ZNF689: variants seen among roughly 807,000 people sequenced by gnomAD.
The protein encoded by ZNF689 is zinc finger protein 689.
A neutral mutation model predicts 37.2 loss-of-function variants in ZNF689; 14 were observed. That is an observed-to-expected ratio of 0.38 (90% CI 0.25 to 0.59). The LOEUF (loss-of-function observed/expected upper bound fraction) is 0.59. ZNF689 is among the 20% of genes least tolerant of loss of function. ZNF689 has a pLI of 0.68. For synonymous variants in ZNF689, 277 were observed against 283.3 expected, an observed-to-expected ratio of 0.98 and a Z score of 0.22; for missense variants, 573 against 700.2, an observed-to-expected ratio of 0.82 and a Z score of 2.05.
chr16:30,609,253 A>G (rs2151246297), intron 2 of ZNF689, among the ~76,000 whole-genome samples: 1 of 148,078 alleles, frequency 6.8e-6, no homozygotes, highest in South Asian at 2.3e-4. Context: ...GAACTGAGCA[A>G]GACAATGTTT....
chr16:30,606,617 C>T (rs2052039168), intron 2 of ZNF689, among the ~76,000 whole-genome samples: 1 of 152,010 alleles, frequency 6.6e-6, no homozygotes, highest in African/African-American at 2.4e-5. Context: ...CTCCCTGCCT[C>T]AGCCTCCTAA....
At position 30,602,631 on chromosome 16, in the gene ZNF689, GAAAC is replaced by G. The variant is rs762808297; in HGVS notation, c.*1629_*1632del. 7.2e-5 allele frequency: 11 copies of G among 152,144 alleles called. No individual in the cohort carries two copies. Among genetic ancestry groups the G allele is most frequent in the Non-Finnish European group, 1.0e-4 (7 of 68,026 alleles). The allele number at this position is 152,144 out of a possible 1,614,324, so 9.4% of individuals were successfully genotyped here. On this transcript the variant is annotated 3_prime_UTR_variant, in exon 3 of 3. Coordinates refer to ENST00000287461, the MANE Select transcript of ZNF689 (RefSeq NM_138447.3). ...TTGGGGGTAGCTCATCATCCAAGGA[GAAAC>G]AAACAGTTACAATGTTACAATGCAA...
At chr16:30,609,310 A>G in intron 2 of ZNF689, 1 of 331,866 alleles carries the variant, frequency 3.0e-6, no homozygotes, top group South Asian at 5.3e-5. Flanking sequence ...AAGCCCACTG[A>G]TTCATTCACA....
rs199877659 is a variant in ZNF689, at chr16:30,604,796, C to A, written c.971G>T (p.Arg324Leu). Residue 324 changes from arginine (R) to leucine (L), a missense_variant, in exon 3 of 3, where the codon CGG becomes CTG. Physicochemically the swap from Arg to Leu is moderately radical, Grantham distance 102. This residue lies in a region of ZNF689 where 317 missense variants were observed against 367.1 expected (regional missense o/e 0.86). Coordinates refer to ENST00000287461, the MANE Select transcript of ZNF689 (RefSeq NM_138447.3). The surrounding 1 kb of genome is among the most constrained non-coding windows in gnomAD (Gnocchi z 5.2). The part of the protein sequence containing the change: ...EKPYPCPDCE[R>L]RFSSSSRLVS... Reference sequence around the variant, plus strand: ...CAGGCGAGAGGAGGAGGAGAAGCGCCGCTCGCAGTCCGGGCACGGGTAGGG... The same window carrying A: ...CAGGCGAGAGGAGGAGGAGAAGCGCAGCTCGCAGTCCGGGCACGGGTAGGG... The A allele has an allele frequency of 6.2e-7, 1 of 1,609,480 alleles. No individual in the cohort carries two copies. The highest frequency in any genetic ancestry group is 1.7e-5 in the Admixed American group (1 of 59,760).
chr16:30,604,495 C>T lies in ZNF689; in HGVS notation c.1272G>A (p.Ser424=), dbSNP rs2052014092. The change falls in exon 3 of 3, where the codon TCG becomes TCA. Residue 424 remains serine, a synonymous_variant. Coordinates refer to ENST00000287461, the MANE Select transcript of ZNF689 (RefSeq NM_138447.3). The surrounding 1 kb of genome is among the most constrained non-coding windows in gnomAD (Gnocchi z 5.2). ...SLLASHRRVH[S]GERPYACDLC... is the part of the protein sequence containing the mutation. ...GGTCGCAGGCATAGGGCCGCTCGCC[C>T]GAGTGCACGCGCCGGTGGCTGGCCA... is the stretch of plus-strand genomic sequence containing the variant. 2 of 1,599,488 alleles carry T rather than the reference C, an allele frequency of 1.3e-6. No individual in the cohort carries two copies. Among genetic ancestry groups the T allele is most frequent in the Non-Finnish European group, 1.7e-6 (2 of 1,173,482 alleles).
Position 30,604,273 on chromosome 16 carries a change from G to C in ZNF689, c.1494C>G (p.Asn498Lys), listed in dbSNP as rs775225146. The C allele has an allele frequency of 6.2e-7, 1 of 1,614,102 alleles. No individual in the cohort carries two copies. The highest frequency in any genetic ancestry group is 1.7e-5 in the Admixed American group (1 of 60,032). The change falls in exon 3 of 3, where the codon AAC (asparagine) becomes AAG (lysine). Residue 498 changes from asparagine (N) to lysine (K), a missense_variant. Asn to Lys is a moderately conservative substitution (Grantham distance 94). This residue lies in a region of ZNF689 where 317 missense variants were observed against 367.1 expected (regional missense o/e 0.86). Coordinates refer to ENST00000287461, the MANE Select transcript of ZNF689 (RefSeq NM_138447.3). This position sits in a 1 kb window ranked among gnomAD's most constrained non-coding sequence, Gnocchi z 5.2. ...GGCAGTCCTTCCCCTTCTAATGGGC[G>C]TTGCCCCTCTGACTGGAGCCCCCGA... ...SAIGGSSQRGNAH is the reference protein window; with the variant it reads ...SAIGGSSQRGKAH
At position 30,603,939 on chromosome 16, in the gene ZNF689, T is replaced by C. The variant is rs927976243; in HGVS notation, c.*325A>G. The C allele has an allele frequency of 2.2e-5, 10 of 450,560 alleles. No individual in the cohort carries two copies. Among genetic ancestry groups the C allele is most frequent in the African/African-American group, 6.0e-5 (3 of 50,326 alleles). 27.9% of individuals were successfully genotyped at this position (450,560 alleles called of 1,614,324 possible). ...GAGATTCTCCTGATTGCATGCAAGA[T>C]GACAGGTAATCCCTGTGTGGACAGA... On this transcript the variant is annotated 3_prime_UTR_variant, in exon 3 of 3. Coordinates refer to ENST00000287461, the MANE Select transcript of ZNF689 (RefSeq NM_138447.3).
chr16:30,607,072 G>A (rs1174134077), intron 2 of ZNF689, among the ~76,000 whole-genome samples: 1 of 150,292 alleles, frequency 6.7e-6, no homozygotes, highest in Non-Finnish European at 1.5e-5. Context: ...CCAACATGGT[G>A]AAACCCCGTC....
At position 30,603,063 on chromosome 16, in the gene ZNF689, C is replaced by G. The variant is rs1196652642; in HGVS notation, c.*1201G>C. On this transcript the variant is annotated 3_prime_UTR_variant, in exon 3 of 3. Coordinates refer to ENST00000287461, the MANE Select transcript of ZNF689 (RefSeq NM_138447.3). ...CCTCAGCTCATTTTGTGAAAAAATG[C>G]TGACTGAGGCCTCATGGAAGTTCTG... 2 of 152,228 alleles carry G rather than the reference C, an allele frequency of 1.3e-5. No homozygotes were observed. Among genetic ancestry groups the G allele is most frequent in the Admixed American group, 1.3e-4 (2 of 15,272 alleles). The allele number at this position is 152,228 out of a possible 1,614,324, so 9.4% of individuals were successfully genotyped here.
At chr16:30,609,673 T>C in intron 1 of ZNF689, 35 bp from the exon 2 acceptor site, 1 of 1,613,398 alleles carries the variant, frequency 6.2e-7, no homozygotes, top group Non-Finnish European at 8.5e-7. Context: ...GGCCAGCTCC[T>C]AGATCACGCC....
chr16:30,609,267 CAAA>C (rs77079521), intron 2 of ZNF689, among the ~76,000 whole-genome samples: 1 of 60,726 alleles, frequency 1.6e-5, no homozygotes, highest in Non-Finnish European at 3.3e-5. Context: ...AATGTTTCTA[CAAA>C]AAAAAAAAAA....
At position 30,605,619 on chromosome 16, in the gene ZNF689, A is replaced by C. The variant is rs1243201657; in HGVS notation, c.320-172T>G. Among the ~76,000 whole-genome samples the C allele has an allele frequency of 6.6e-6, 1 of 152,168 alleles. No individual in the cohort carries two copies. The highest frequency in any genetic ancestry group is 1.5e-5 in the Non-Finnish European group (1 of 68,020). On this transcript the variant is annotated intron_variant, in intron 2 of 2. Transcript: ENST00000287461. The surrounding 1 kb of genome is among the most constrained non-coding windows in gnomAD (Gnocchi z 5.1). ...TACGGTGTGCATTACAGGAGCTTCT[A>C]ACCCAGCTTGGAGAAGTCTAGGAAG...
chr16:30,607,409 G>A (rs1391550399), intron 2 of ZNF689, among the ~76,000 whole-genome samples: 1 of 151,560 alleles, frequency 6.6e-6, no homozygotes, highest in Non-Finnish European at 1.5e-5. Flanking sequence ...TGGCCAACAT[G>A]GTGAAACCCC....
At position 30,604,449 on chromosome 16, in the gene ZNF689, G is replaced by A; in HGVS notation, c.1318C>T (p.Gln440Ter). ...TGGTGCTGGGCCAGGTGGCTCCACTGAGCAAAACGCTTGGAGCAAAGGTCG... is the reference window on the plus strand; with the variant it reads ...TGGTGCTGGGCCAGGTGGCTCCACTAAGCAAAACGCTTGGAGCAAAGGTCG... Reference protein sequence around the residue: ...ACDLCSKRFAQWSHLAQHQLL... With the variant: ...ACDLCSKRFA Residue 440 changes from glutamine (Q) to a stop codon, truncating the protein, a stop_gained, in exon 3 of 3, where the codon CAG becomes TAG. Coordinates refer to ENST00000287461, the MANE Select transcript of ZNF689 (RefSeq NM_138447.3). LOFTEE classifies it high-confidence loss of function. The surrounding 1 kb of genome is among the most constrained non-coding windows in gnomAD (Gnocchi z 5.2). 1 of 1,612,268 alleles carries A rather than the reference G, an allele frequency of 6.2e-7. No homozygotes were observed. Among genetic ancestry groups the A allele is most frequent in the Non-Finnish European group, 8.5e-7 (1 of 1,179,310 alleles).
chr16:30,605,751 A>G lies in ZNF689; in HGVS notation c.320-304T>C, dbSNP rs1202931287. 2.0e-5 allele frequency among the ~76,000 whole-genome samples: 3 copies of G among 152,106 alleles called. No individual in the cohort carries two copies. The highest frequency in any genetic ancestry group is 4.4e-5 in the Non-Finnish European group (3 of 68,010). On this transcript the variant is annotated intron_variant, in intron 2 of 2. Coordinates refer to ENST00000287461, the MANE Select transcript of ZNF689 (RefSeq NM_138447.3). This position sits in a 1 kb window ranked among gnomAD's most constrained non-coding sequence, Gnocchi z 5.1. ...GAGGCGGGCAGATCACAAGGTCAGG[A>G]GTTTGAGAGCAGCCTGACCAACATG...
chr16:30,605,708 C>T lies in ZNF689; in HGVS notation c.320-261G>A, dbSNP rs889019247. On this transcript the variant is annotated intron_variant, in intron 2 of 2. Coordinates refer to ENST00000287461, the MANE Select transcript of ZNF689 (RefSeq NM_138447.3). This position sits in a 1 kb window ranked among gnomAD's most constrained non-coding sequence, Gnocchi z 5.1. ...GGGCACAGTGGATCACGCTTGTAATCGTAAGCACTGGGAGGCCGAGGCGGG... is the reference window on the plus strand; with the variant it reads ...GGGCACAGTGGATCACGCTTGTAATTGTAAGCACTGGGAGGCCGAGGCGGG... Among the ~76,000 whole-genome samples the T allele has an allele frequency of 2.0e-5, 3 of 152,150 alleles. No individual in the cohort carries two copies. The highest frequency in any genetic ancestry group is 1.3e-4 in the Admixed American group (2 of 15,264).
chr16:30,604,252 G>C lies in ZNF689; in HGVS notation c.*12C>G. On this transcript the variant is annotated 3_prime_UTR_variant, in exon 3 of 3. Transcript: ENST00000287461. The surrounding 1 kb of genome is among the most constrained non-coding windows in gnomAD (Gnocchi z 5.2). ...CCATAAAATGAAATGAACGTAGGCA[G>C]TCCTTCCCCTTCTAATGGGCGTTGC... 3.7e-6 allele frequency: 6 copies of C among 1,613,846 alleles called. No individual in the cohort carries two copies. Among genetic ancestry groups the C allele is most frequent in the Non-Finnish European group, 5.1e-6 (6 of 1,179,736 alleles).
Position 30,610,004 on chromosome 16 carries a change from G to C in ZNF689, c.38C>G (p.Pro13Arg). The change falls in exon 1 of 3, where the codon CCA (proline) becomes CGA (arginine). Residue 13 changes from proline (P) to arginine (R), a missense_variant. Coordinates refer to ENST00000287461, the MANE Select transcript of ZNF689 (RefSeq NM_138447.3). ...PPSAPLPAQG[P>R]GKARPSRKRG... ...TTTCCGACTGGGTCTGGCCTTTCCT[G>C]GTCCCTGCGCAGGGAGCGGAGCCGA... The C allele has an allele frequency of 6.2e-7, 1 of 1,607,024 alleles. No homozygotes were observed. The highest frequency in any genetic ancestry group is 8.5e-7 in the Non-Finnish European group (1 of 1,177,700).
rs2051996953 is a variant in ZNF689 at position 30,603,274 on chromosome 16, A to G, written c.*990T>C. ...CCACAGGTCCCTGCTTCTCCTTAAGAGCAACCTTCTCCCAGAGCTGACTAC... is the reference window on the plus strand; with the variant it reads ...CCACAGGTCCCTGCTTCTCCTTAAGGGCAACCTTCTCCCAGAGCTGACTAC... On this transcript the variant is annotated 3_prime_UTR_variant, in exon 3 of 3. Coordinates refer to ENST00000287461, the MANE Select transcript of ZNF689 (RefSeq NM_138447.3). 1 of 152,058 alleles carries G rather than the reference A, an allele frequency of 6.6e-6. No homozygotes were observed. Among genetic ancestry groups the G allele is most frequent in the Admixed American group, 6.6e-5 (1 of 15,254 alleles). 9.4% of individuals were successfully genotyped at this position (152,058 alleles called of 1,614,324 possible).
Sources: allele counts gnomAD v4.1 joint callset (sites outside exome capture counted in the v4.1 genomes callset), GRCh38; gene constraint gnomAD v4.1.1; regional missense constraint gnomAD v4.1.1; non-coding constraint Gnocchi (gnomAD v3.1); transcripts MANE v1.5; gene names NCBI Gene and HGNC (gene_info 2026-07-23, HGNC 2026-07-21).